The following DLGAP4 variants were observed in gnomAD, a reference collection of about 807,000 sequenced individuals.
DLGAP4 encodes the protein disks large-associated protein 4.
In DLGAP4, 18 loss-of-function variants were observed where a neutral mutation model predicts 86.9. That is an observed-to-expected ratio of 0.21 (90% confidence interval 0.14 to 0.31). The LOEUF (loss-of-function observed/expected upper bound fraction) is 0.31, where lower values mean the gene tolerates loss of function less well. Ranked by LOEUF, DLGAP4 falls within the 10% of genes least tolerant of loss-of-function variation. The probability of loss-of-function intolerance (pLI) is 1.00; values close to 1 mark genes in which losing one functional copy is unlikely to be tolerated. For synonymous variants in DLGAP4, 548 were observed against 574.3 expected (o/e 0.95, Z 0.65); for missense variants, 1,085 against 1,362.6 (o/e 0.80, Z 3.21).
intron 7 of DLGAP4, among the ~76,000 whole-genome samples, chr20:36,492,130 CG>C (rs938997092): frequency 1.3e-5 from 2 of 152,096 alleles, no homozygotes; most frequent in African/African-American, 4.8e-5. Flanking sequence ...AGGAAGTGGC[CG>C]GGGTGAGGTA....
chr20:36,351,381 G>A (rs372528684), intron 1 of DLGAP4, among the ~76,000 whole-genome samples: 5 of 152,072 alleles, frequency 3.3e-5, no homozygotes, highest in Admixed American at 6.6e-5. Context: ...GATCAGCGGC[G>A]GCATTCGATT....
At position 36,432,621 on chromosome 20, in the gene DLGAP4, G is replaced by A. The variant is rs1340006509; in HGVS notation, c.904G>A (p.Ala302Thr). 1.7e-5 allele frequency: 28 copies of A among 1,607,784 alleles called. No homozygotes were observed. The highest frequency in any genetic ancestry group is 2.2e-5 in the East Asian group (1 of 44,450). ...GSWSTLTLSH[A>T]HEVCQKTSAT... ...CTGGTCCACTCTGACCCTCAGCCAC[G>A]CCCACGAGGTCTGCCAGAAGACCTC... The change falls in exon 3 of 13, where the codon GCC (alanine) becomes ACC (threonine). Residue 302 changes from alanine (A) to threonine (T), a missense_variant. Around this residue, in one of 2 missense-constraint regions of DLGAP4, gnomAD observed 1,082 missense variants for 1,344.1 expected, o/e 0.81. Transcript: ENST00000339266. The surrounding 1 kb of genome is among the most constrained non-coding windows in gnomAD (Gnocchi z 6.5).
intron 2 of DLGAP4, among the ~76,000 whole-genome samples, chr20:36,416,471 A>C (rs1356400101): frequency 6.6e-6 from 1 of 152,220 alleles, no homozygotes. Context: ...CGGGGACTCC[A>C]GGACAGTTGG....
At chr20:36,395,212 A>T (rs368796453) in intron 2 of DLGAP4, among the ~76,000 whole-genome samples, 23 of 152,212 alleles carry the variant, frequency 1.5e-4, no homozygotes, top group African/African-American at 4.8e-4. Context: ...ACCCTATCAC[A>T]CTGCATTCTT....
intron 7 of DLGAP4, among the ~76,000 whole-genome samples, chr20:36,466,997 GTCTCTCTCTCTCTCTCTCTCC>G (rs2034403345): frequency 5.2e-5 from 2 of 38,686 alleles, no homozygotes; most frequent in African/African-American, 2.3e-4. Flanking sequence ...CTCTGTCTCT[GTCTCTCTCTCTCTCTCTCTCC>G]TCTCTCTCTC....
chr20:36,310,316 G>C (rs1199940292), intron 1 of DLGAP4, among the ~76,000 whole-genome samples: 2 of 152,224 alleles, frequency 1.3e-5, no homozygotes, highest in African/African-American at 4.8e-5. Context: ...TGAGGGTTAT[G>C]TGTCCTTCTA....
chr20:36,462,507 T>A (rs1440372531), intron 7 of DLGAP4: 7 of 1,599,110 alleles, frequency 4.4e-6, no homozygotes, highest in Non-Finnish European at 6.0e-6. Flanking sequence ...CTGCTCCTTG[T>A]CTCCCTCTCC....
chr20:36,426,878 G>A lies in DLGAP4; in HGVS notation c.-72-4768G>A, dbSNP rs147058153. On this transcript the variant is annotated intron_variant, in intron 2 of 12. Coordinates refer to ENST00000339266, the MANE Select transcript of DLGAP4 (RefSeq NM_001365621.2). ...ATTGGGGATGCGGTTTGCTTTTGGG[G>A]TTATGAAAATGTTTCAGGGCTGGGT... is the stretch of plus-strand genomic sequence containing the variant. 7.1e-3 allele frequency among the ~76,000 whole-genome samples: 1,075 copies of A among 152,094 alleles called. 9 individuals are homozygous for A. Among genetic ancestry groups the A allele is most frequent in the African/African-American group, 0.023 (960 of 41,496 alleles).
rs1600582091 is a variant in DLGAP4, at chr20:36,466,995, CTG to C, written c.1648+20060_1648+20061del. Among the ~76,000 whole-genome samples, 34 of 143,290 alleles carry C rather than the reference CTG, an allele frequency of 2.4e-4. No individual in the cohort carries two copies. In the East Asian group the frequency reaches 3.0e-3, roughly 13 times the overall value. 94.0% of individuals were successfully genotyped at this position (143,290 alleles called of 152,430 possible). ...CTCTCCTCTCTCTCTCTCTCTGTCT[CTG>C]TCTCTCTCTCTCTCTCTCTCCTCTC... On this transcript the variant is annotated intron_variant, in intron 7 of 12. Coordinates refer to ENST00000339266, the MANE Select transcript of DLGAP4 (RefSeq NM_001365621.2).
chr20:36,462,203 C>A, intron 7 of DLGAP4: 2 of 1,095,918 alleles, frequency 1.8e-6, no homozygotes, highest in Non-Finnish European at 2.2e-6. Flanking sequence ...CTCCTTGGGA[C>A]CCCCCAATAT....
intron 7 of DLGAP4, among the ~76,000 whole-genome samples, chr20:36,463,204 C>T (rs1047407320): frequency 2.0e-5 from 3 of 152,146 alleles, no homozygotes; most frequent in African/African-American, 7.2e-5. Flanking sequence ...ACCTCTGGGG[C>T]CTTGGTTCTG....
chr20:36,415,442 G>A (rs887192468), intron 2 of DLGAP4, among the ~76,000 whole-genome samples: 5 of 152,118 alleles, frequency 3.3e-5, no homozygotes, highest in Admixed American at 6.5e-5. Context: ...GACAGTGCCC[G>A]GCCCTGTCTG....
intron 1 of DLGAP4, among the ~76,000 whole-genome samples, chr20:36,344,206 C>G (rs934699864): frequency 6.6e-6 from 1 of 152,358 alleles, no homozygotes; most frequent in Admixed American, 6.5e-5. Flanking sequence ...GCTCCCGACT[C>G]TTCACTAGCT....
chr20:36,367,117 T>C lies in DLGAP4; in HGVS notation c.-231T>C, dbSNP rs1366248156. ...CCAGGACCTGGTGGCCCCCGGGCGG[T>C]GGCAGAGCCCCTGTCCCAAGCTGCT... is the stretch of plus-strand genomic sequence containing the variant. On this transcript the variant is annotated 5_prime_UTR_variant, in exon 2 of 13. Coordinates refer to ENST00000339266, the MANE Select transcript of DLGAP4 (RefSeq NM_001365621.2). The C allele has an allele frequency of 6.6e-6, 1 of 152,190 alleles. No homozygotes were observed. The highest frequency in any genetic ancestry group is 1.5e-5 in the Non-Finnish European group (1 of 68,096). The allele number at this position is 152,190 out of a possible 1,614,324, so 9.4% of individuals were successfully genotyped here. A position where few individuals can be genotyped will look rare whatever the true frequency, so the allele number is the denominator to read the frequency against.
At chr20:36,429,612 G>T (rs1416861080) in intron 2 of DLGAP4, among the ~76,000 whole-genome samples, 1 of 151,546 alleles carries the variant, frequency 6.6e-6, no homozygotes, top group Admixed American at 6.6e-5. Flanking sequence ...TCACTGTGTT[G>T]GCCTGGGTGG....
At chr20:36,466,910 G>T (rs868610208) in intron 7 of DLGAP4, among the ~76,000 whole-genome samples, 3 of 150,436 alleles carry the variant, frequency 2.0e-5, no homozygotes, top group Non-Finnish European at 4.5e-5. Context: ...TGGTCAAAGC[G>T]AGTCTCTCGC....
chr20:36,330,041 G>T (rs1195168296), intron 1 of DLGAP4, among the ~76,000 whole-genome samples: 1 of 139,074 alleles, frequency 7.2e-6, no homozygotes, highest in Non-Finnish European at 1.6e-5. Context: ...AAAAAAAAAA[G>T]ACTGAAAGAC....
chr20:36,452,309 G>C lies in DLGAP4; in HGVS notation c.1648+5372G>C, dbSNP rs552558987. Among the ~76,000 whole-genome samples the C allele has an allele frequency of 4.9e-4, 74 of 152,004 alleles. No homozygotes were observed. In the South Asian group the frequency reaches 0.015, roughly 31 times the overall value. ...TCCTCCTGCCTCAGCCTCCCGAGTA[G>C]CTGAGACCAGAGTCATGCAGTACCA... is the stretch of plus-strand genomic sequence containing the variant. On this transcript the variant is annotated intron_variant, in intron 7 of 12. Coordinates refer to ENST00000339266, the MANE Select transcript of DLGAP4 (RefSeq NM_001365621.2).
chr20:36,429,408 T>C (rs1360955490), intron 2 of DLGAP4, among the ~76,000 whole-genome samples: 3 of 142,994 alleles, frequency 2.1e-5, no homozygotes, highest in Admixed American at 7.0e-5. Flanking sequence ...CTTTTTTTTT[T>C]TTTTTTTTTT....
Sources: gnomAD v4.1 joint callset for allele counts (sites outside exome capture counted in the v4.1 genomes callset) on GRCh38, gnomAD v4.1.1 for gene constraint, gnomAD v4.1.1 regional missense constraint, Gnocchi (gnomAD v3.1) non-coding constraint, MANE v1.5 for transcripts, NCBI Gene and HGNC (gene_info 2026-07-23, HGNC 2026-07-21) for gene names.